The following CD200 variants were observed in gnomAD, a reference collection of about 807,000 sequenced individuals.
CD200 encodes CD200 molecule, also known as OX-2 membrane glycoprotein.
Under a neutral mutation model 30.9 loss-of-function variants are expected in CD200, and 15 were observed. The ratio of observed to expected loss-of-function variants is 0.49; its 90% CI spans 0.32 to 0.75. The LOEUF (loss-of-function observed/expected upper bound fraction) is 0.75, where lower values mean the gene tolerates loss of function less well. Among genes scored for constraint, CD200 ranks in the 30% least tolerant of loss-of-function variants. The pLI, the probability that CD200 is intolerant of heterozygous loss-of-function variation, is 0.03. For missense variants in CD200, 262 were observed against 324.2 expected, an observed-to-expected ratio of 0.81 and a Z score of 1.47; for synonymous variants, 134 against 126.2, an observed-to-expected ratio of 1.06 and a Z score of -0.41.
chr3:112,337,452 AG>A (rs2081143629), intron 1 of CD200, among the ~76,000 whole-genome samples: 3 of 152,186 alleles, frequency 2.0e-5, no homozygotes, highest in South Asian at 2.1e-4. Context: ...GAAGTAGAAA[AG>A]GCTAGCTGGC....
At chr3:112,358,455 T>G (rs1296555495) in intron 5 of CD200, among the ~76,000 whole-genome samples, 1 of 151,972 alleles carries the variant, frequency 6.6e-6, no homozygotes, top group African/African-American at 2.4e-5. Flanking sequence ...TAGATGAACT[T>G]GTGATGCCGA....
intron 5 of CD200, among the ~76,000 whole-genome samples, chr3:112,351,782 G>A (rs1450343338): frequency 2.0e-5 from 3 of 152,122 alleles, no homozygotes; most frequent in Non-Finnish European, 4.4e-5. Context: ...GTTTCTAAAG[G>A]CTATACAAGC....
chr3:112,337,293 C>T (rs1288328700), intron 1 of CD200, among the ~76,000 whole-genome samples: 1 of 152,122 alleles, frequency 6.6e-6, no homozygotes, highest in African/African-American at 2.4e-5. Context: ...GAAAATGCTT[C>T]CGAAGAGGAG....
intron 5 of CD200, among the ~76,000 whole-genome samples, chr3:112,359,659 A>C (rs2081698923): frequency 6.6e-6 from 1 of 152,226 alleles, no homozygotes; most frequent in Non-Finnish European, 1.5e-5. Flanking sequence ...AATAATTTTT[A>C]ATATGCTTGG....
At chr3:112,355,434 C>T (rs917207738) in intron 5 of CD200, among the ~76,000 whole-genome samples, 65 of 152,236 alleles carry the variant, frequency 4.3e-4, no homozygotes, top group Middle Eastern at 3.4e-3. Context: ...TCCTGCTTCT[C>T]CCTATTCCTA....
intron 3 of CD200, among the ~76,000 whole-genome samples, chr3:112,345,917 T>A: frequency 6.6e-6 from 1 of 152,196 alleles, no homozygotes; most frequent in Admixed American, 6.5e-5. Context: ...TCTTCTTAAC[T>A]GACACACAGC....
In CD200 at chr3:112,342,341, CTTTCTTT is replaced by C. The variant is rs2081270347; in HGVS notation, c.94+1359_94+1365del. Reference sequence around the variant, plus strand: ...TCTTTCTTTCTTTCTTTCTTTCCTTCTTTCTTTCTTTCTTTCTTTCTTTCTTTCTTTC... The same window carrying C: ...TCTTTCTTTCTTTCTTTCTTTCCTTCCTTTCTTTCTTTCTTTCTTTCTTTC... On this transcript the variant is annotated intron_variant, in intron 2 of 5. Transcript: ENST00000315711. Among the ~76,000 whole-genome samples, 132 of 45,482 alleles carry C rather than the reference CTTTCTTT, an allele frequency of 2.9e-3. 6 individuals carry two copies. The highest frequency in any genetic ancestry group is 5.0e-3 in the South Asian group (6 of 1,210). The allele number at this position is 45,482 out of a possible 152,430, so 29.8% of individuals were successfully genotyped here. A position where few individuals can be genotyped will look rare whatever the true frequency, so the allele number is the denominator to read the frequency against.
At chr3:112,345,619 G>A (rs1053562551) in intron 3 of CD200, among the ~76,000 whole-genome samples, 3 of 152,178 alleles carry the variant, frequency 2.0e-5, no homozygotes, top group African/African-American at 7.2e-5. Context: ...CCCTAGAAGG[G>A]TCCTATCCAC....
Position 112,349,550 on chromosome 3 carries a change from T to C in CD200, c.695-162T>C, listed in dbSNP as rs1026026576. On this transcript the variant is annotated intron_variant, in intron 4 of 5. Coordinates refer to ENST00000315711, the MANE Select transcript of CD200 (RefSeq NM_005944.7). ...CAGTAGCCAGATAAAACATGTTAGC[T>C]ATTACTAATATCTAAATATTATTAA... Among the ~76,000 whole-genome samples the C allele has an allele frequency of 3.9e-5, 6 of 152,210 alleles. No homozygotes were observed. The East Asian group carries it at 7.7e-4, about 19-fold the overall frequency.
chr3:112,347,516 G>C (rs1386911441), intron 3 of CD200, 42 bp from the exon 4 acceptor site: 38 of 1,596,814 alleles, frequency 2.4e-5, no homozygotes, highest in Non-Finnish European at 3.1e-5. Context: ...ACTCAGACCA[G>C]GTGCTTAACT....
chr3:112,342,977 TAA>T (rs2108440936), intron 2 of CD200, among the ~76,000 whole-genome samples: 1 of 152,150 alleles, frequency 6.6e-6, no homozygotes, highest in African/African-American at 2.4e-5. Flanking sequence ...TTTCTTTGAG[TAA>T]AGTGTGTGTG....
intron 1 of CD200, chr3:112,335,827 C>CCATG: frequency 1.3e-6 from 1 of 786,162 alleles, no homozygotes; most frequent in South Asian, 1.4e-5. Context: ...TTCACCCAGA[C>CCATG]CATGACAGCT....
Position 112,336,609 on chromosome 3 carries a change from T to C in CD200, c.12+3385T>C, listed in dbSNP as rs1179385788. On this transcript the variant is annotated intron_variant, in intron 1 of 5. Transcript: ENST00000315711. ...CCCTAAAGCAAGGTCATTTAAGTGA[T>C]TATGGGCCAATATTCTAGAAATAAG... Among the ~76,000 whole-genome samples the C allele has an allele frequency of 4.0e-5, 6 of 151,556 alleles. No homozygotes were observed. The East Asian group carries it at 7.8e-4, about 20-fold the overall frequency.
intron 5 of CD200, among the ~76,000 whole-genome samples, chr3:112,358,484 T>C (rs899459648): frequency 1.0e-4 from 15 of 143,516 alleles, no homozygotes; most frequent in Non-Finnish European, 2.1e-4. Context: ...TTCCTGCTAG[T>C]GCAGTTGTAT....
chr3:112,350,014 A>G, intron 5 of CD200, 195 bp downstream of exon 5: 1 of 972,634 alleles, frequency 1.0e-6, no homozygotes, highest in Non-Finnish European at 1.2e-6. Flanking sequence ...TAAATTGGAC[A>G]TTTCTGCTTT....
chr3:112,353,320 T>C (rs1016667289), intron 5 of CD200, among the ~76,000 whole-genome samples: 1 of 152,160 alleles, frequency 6.6e-6, no homozygotes, highest in African/African-American at 2.4e-5. Flanking sequence ...TTTGCTTTGC[T>C]TTGGTTTGGT....
chr3:112,349,628 T>G, intron 4 of CD200, 84 bp from the exon 5 acceptor site: 1 of 1,126,136 alleles, frequency 8.9e-7, no homozygotes, highest in Non-Finnish European at 1.3e-6. Context: ...TTAAGGATAA[T>G]TTTAACTAAA....
At chr3:112,335,096 A>G (rs1368737546) in intron 1 of CD200, among the ~76,000 whole-genome samples, 1 of 152,238 alleles carries the variant, frequency 6.6e-6, no homozygotes, top group African/African-American at 2.4e-5. Flanking sequence ...GGGCACTGGC[A>G]ATGGAGCCTG....
At chr3:112,334,220 G>A (rs1386387534) in intron 1 of CD200, 2 of 985,144 alleles carry the variant, frequency 2.0e-6, no homozygotes, top group Non-Finnish European at 2.4e-6. Context: ...CTACATGTGG[G>A]GTAATGTGGA....
Sources: allele counts gnomAD v4.1 joint callset (sites outside exome capture counted in the v4.1 genomes callset), GRCh38; gene constraint gnomAD v4.1.1; transcripts MANE v1.5; gene names NCBI Gene and HGNC (gene_info 2026-07-23, HGNC 2026-07-21).